CASD1: variants seen among roughly 807,000 people sequenced by gnomAD.
CASD1 encodes the protein CAS1 domain sialic acid O acetyltransferase 1.
CASD1 carries 41 observed loss-of-function variants against 100.0 expected under a neutral mutation model. The observed-to-expected ratio is 0.41, with a 90% CI of 0.32 to 0.53. CASD1 has a LOEUF of 0.53. CASD1 is among the 20% of genes least tolerant of loss of function. CASD1 has a pLI of 0.25. For synonymous variants in CASD1, 321 were observed against 315.6 expected (o/e 1.02, Z -0.18); for missense variants, 774 against 948.7 (o/e 0.82, Z 2.42).
At chr7:94,521,955 G>A (rs1464957547) in intron 3 of CASD1, among the ~76,000 whole-genome samples, 9 of 152,108 alleles carry the variant, frequency 5.9e-5, no homozygotes, top group African/African-American at 1.9e-4. Context: ...CATGATGGTG[G>A]GCACCTGTAG....
At chr7:94,594,982 T>C in the CASD1 span, among the ~76,000 whole-genome samples, 2 of 152,124 alleles carry the variant, frequency 1.3e-5, no homozygotes, top group Non-Finnish European at 2.9e-5. Context: ...TTCATTTTGC[T>C]TATAACCTGA....
At chr7:94,542,551 A>C (rs1482472007) in intron 10 of CASD1, among the ~76,000 whole-genome samples, 1 of 152,192 alleles carries the variant, frequency 6.6e-6, no homozygotes. Context: ...TCATTAAAAA[A>C]TTACTTATGG....
At chr7:94,601,443 C>CAAAAAAAAAAAAAAAA in the CASD1 span, among the ~76,000 whole-genome samples, 22 of 89,326 alleles carry the variant, frequency 2.5e-4, 2 homozygotes, top group East Asian at 1.2e-3. Context: ...ATCCCAGTAT[C>CAAAAAAAAAAAAAAAA]AAAAAAAAAA....
At chr7:94,599,726 A>G in the CASD1 span, 6 of 1,593,404 alleles carry the variant, frequency 3.8e-6, no homozygotes, top group Non-Finnish European at 5.2e-6. Flanking sequence ...TCTTTTCCCT[A>G]GAAACAAAAC....
At position 94,533,239 on chromosome 7, in the gene CASD1, G is replaced by T; in HGVS notation, c.494G>T (p.Gly165Val). The T allele has an allele frequency of 6.2e-7, 1 of 1,609,436 alleles. No individual in the cohort carries two copies. ...GCAAAGCCACATGTGATTGTAGCAG[G>T]AGCTGCCACAGTAAGTTATCATCTG... ...SIAKPHVIVAGAATWSIKIHN... is the reference protein window; with the variant it reads ...SIAKPHVIVAVAATWSIKIHN... Residue 165 changes from glycine (G) to valine (V), a missense_variant, in exon 6 of 18, where the codon GGA becomes GTA. Physicochemically the swap from Gly to Val is moderately radical, Grantham distance 109. This residue lies in a region of CASD1 where 453 missense variants were observed against 532.6 expected (regional missense o/e 0.85). Transcript: ENST00000297273.
downstream of CASD1, among the ~76,000 whole-genome samples, chr7:94,559,272 A>ATGTGTG (rs764130363): frequency 1.5e-5 from 1 of 65,582 alleles, no homozygotes. Context: ...TTCTGTATAT[A>ATGTGTG]TGTCTGTGTG....
At chr7:94,632,124 T>C in the CASD1 span, among the ~76,000 whole-genome samples, 1 of 152,038 alleles carries the variant, frequency 6.6e-6, no homozygotes, top group Non-Finnish European at 1.5e-5. Context: ...TTATCATCCT[T>C]CATTGACATT....
At chr7:94,601,443 CA>C in the CASD1 span, among the ~76,000 whole-genome samples, 1,758 of 88,018 alleles carry the variant, frequency 0.02, 5 homozygotes, top group Non-Finnish European at 0.025. Flanking sequence ...ATCCCAGTAT[CA>C]AAAAAAAAAA....
chr7:94,624,010 A>G, the CASD1 span: 2 of 391,882 alleles, frequency 5.1e-6, no homozygotes, highest in African/African-American at 4.1e-5. Flanking sequence ...AAACATTTGC[A>G]GAGCCAATAG....
chr7:94,509,867 G>T lies in CASD1; in HGVS notation c.-218G>T, dbSNP rs563385137. 25 of 1,023,848 alleles carry T rather than the reference G, an allele frequency of 2.4e-5. No individual in the cohort carries two copies. Among genetic ancestry groups the T allele is most frequent in the African/African-American group, 2.2e-4 (13 of 58,142 alleles). 63.4% of individuals were successfully genotyped at this position (1,023,848 alleles called of 1,614,324 possible). On this transcript the variant is annotated 5_prime_UTR_variant, in exon 1 of 18. Coordinates refer to ENST00000297273, the MANE Select transcript of CASD1 (RefSeq NM_022900.5). ...ACGGCGGAGCAGCGGCGGCGGGGCTGGGGGGAGGCCGCCGAGTCGGCCGCG... is the reference window on the plus strand; with the variant it reads ...ACGGCGGAGCAGCGGCGGCGGGGCTTGGGGGAGGCCGCCGAGTCGGCCGCG...
intron 16 of CASD1, among the ~76,000 whole-genome samples, chr7:94,553,637 T>G (rs1443593419): frequency 6.6e-6 from 1 of 152,118 alleles, no homozygotes; most frequent in Admixed American, 6.6e-5. Context: ...TTTTTTTCTT[T>G]ACAGTTTCTT....
At chr7:94,587,871 A>G in the CASD1 span, 32 of 1,518,982 alleles carry the variant, frequency 2.1e-5, no homozygotes, top group African/African-American at 1.4e-5. Flanking sequence ...CATCCAACAC[A>G]TTTCTGAATG....
rs1454167760 is a variant in CASD1, at chr7:94,535,443, A to C, written c.763A>C (p.Ser255Arg). ...RNSKSNVKMF[S>R]VSKLIAQETI... Reference sequence around the variant, plus strand: ...TTCTAAATCAAATGTTAAGATGTTCAGTGTTTCCAAATTAATTGCTCAAGA... The same window carrying C: ...TTCTAAATCAAATGTTAAGATGTTCCGTGTTTCCAAATTAATTGCTCAAGA... The change falls in exon 8 of 18, where the codon AGT becomes CGT. Residue 255 changes from serine (S) to arginine (R), a missense_variant. Physicochemically the swap from Ser to Arg is moderately radical, Grantham distance 110 (BLOSUM62 -1). Coordinates refer to ENST00000297273, the MANE Select transcript of CASD1 (RefSeq NM_022900.5). 4 of 1,613,654 alleles carry C rather than the reference A, an allele frequency of 2.5e-6. No individual in the cohort carries two copies. The South Asian group carries it at 4.4e-5, about 18-fold the overall frequency.
the CASD1 span, among the ~76,000 whole-genome samples, chr7:94,613,557 A>T: frequency 6.6e-6 from 1 of 152,164 alleles, no homozygotes; most frequent in Non-Finnish European, 1.5e-5. Context: ...TCTTGTGAAG[A>T]ATTTTTTTTA....
At chr7:94,624,376 CTGAG>C in the CASD1 span, 1 of 395,454 alleles carries the variant, frequency 2.5e-6, no homozygotes, top group Non-Finnish European at 4.5e-6. Flanking sequence ...ATTGAAAATA[CTGAG>C]TTAGAACAGT....
chr7:94,618,266 C>T, the CASD1 span: 1 of 157,408 alleles, frequency 6.4e-6, no homozygotes, highest in Admixed American at 6.4e-5. Context: ...CCAGTGTCAC[C>T]CAGCTTGTGA....
At chr7:94,623,321 C>G in the CASD1 span, 2 of 1,549,294 alleles carry the variant, frequency 1.3e-6, no homozygotes, top group Non-Finnish European at 1.8e-6. Flanking sequence ...ATTTTCATAC[C>G]TACCTTCTGC....
chr7:94,575,873 G>A, the CASD1 span, among the ~76,000 whole-genome samples: 42 of 152,258 alleles, frequency 2.8e-4, no homozygotes, highest in South Asian at 8.1e-3. Flanking sequence ...GCCCTTGCAC[G>A]TATTGAATTA....
the CASD1 span, among the ~76,000 whole-genome samples, chr7:94,579,188 G>T: frequency 4.1e-5 from 6 of 146,744 alleles, no homozygotes; most frequent in African/African-American, 1.5e-4. Flanking sequence ...AAAGGGCCCT[G>T]ATACTCAATC....
Sources: allele counts gnomAD v4.1 joint callset (sites outside exome capture counted in the v4.1 genomes callset), GRCh38; gene constraint gnomAD v4.1.1; regional missense constraint gnomAD v4.1.1; transcripts MANE v1.5; gene names NCBI Gene and HGNC (gene_info 2026-07-23, HGNC 2026-07-21).